GPC6: variants seen among roughly 807,000 people sequenced by gnomAD.
GPC6 encodes glypican 6, also known as glypican-6.
A neutral mutation model predicts 55.2 loss-of-function variants in GPC6; 14 were observed. That is an observed-to-expected ratio of 0.25 (90% CI 0.17 to 0.40). The LOEUF (loss-of-function observed/expected upper bound fraction) is 0.40, where lower values mean the gene tolerates loss of function less well. Among genes scored for constraint, GPC6 ranks in the 10% least tolerant of loss-of-function variants. The pLI is 1.00. For synonymous variants in GPC6, 278 were observed against 259.6 expected, an observed-to-expected ratio of 1.07 and a Z score of -0.68; for missense variants, 641 against 708.5, an observed-to-expected ratio of 0.90 and a Z score of 1.08.
intron 1 of GPC6, among the ~76,000 whole-genome samples, chr13:93,279,537 A>G (rs1045302201): frequency 6.6e-6 from 1 of 152,220 alleles, no homozygotes; most frequent in African/African-American, 2.4e-5. Flanking sequence ...TTTTTACATA[A>G]CATTGATTGC....
chr13:93,288,716 A>G (rs1049983384), intron 1 of GPC6, among the ~76,000 whole-genome samples: 1 of 152,238 alleles, frequency 6.6e-6, no homozygotes, highest in Non-Finnish European at 1.5e-5. Flanking sequence ...CCAAATTTTA[A>G]TTAATATGTA....
intron 1 of GPC6, among the ~76,000 whole-genome samples, chr13:93,433,029 C>CT (rs1877427125): frequency 1.3e-5 from 2 of 152,042 alleles, no homozygotes; most frequent in Admixed American, 6.6e-5. Context: ...GGAAATTGTT[C>CT]TTTTTTTCAC....
chr13:93,825,860 C>CTTTTTTTTTTTTTT, intron 2 of GPC6, among the ~76,000 whole-genome samples: 1 of 124,182 alleles, frequency 8.1e-6, no homozygotes, highest in Non-Finnish European at 1.7e-5. Context: ...TTATTATTTT[C>CTTTTTTTTTTTTTT]TTTTTTTTTT....
At chr13:94,012,698 G>T (rs534851966) in intron 3 of GPC6, among the ~76,000 whole-genome samples, 30 of 152,264 alleles carry the variant, frequency 2.0e-4, no homozygotes, top group Non-Finnish European at 3.1e-4. Context: ...AGCTGTACAT[G>T]TTCCTGAGAG....
In GPC6 at chr13:93,353,478, G is replaced by A. The variant is rs997598331; in HGVS notation, c.160+125862G>A. Among the ~76,000 whole-genome samples the A allele has an allele frequency of 2.2e-4, 34 of 152,272 alleles. No homozygotes were observed. The Middle Eastern group carries it at 0.01, about 46-fold the overall frequency. ...GCATCAAAGAACTCATGAACTTCTC[G>A]TGAAATTATCAGTTGACTCATATGT... On this transcript the variant is annotated intron_variant, in intron 1 of 8. Transcript: ENST00000377047.
chr13:94,311,961 T>C (rs1203078714), intron 6 of GPC6, among the ~76,000 whole-genome samples: 6 of 152,216 alleles, frequency 3.9e-5, no homozygotes, highest in African/African-American at 1.4e-4. Flanking sequence ...GTCTGCCCTT[T>C]CCAACACAAT....
intron 3 of GPC6, among the ~76,000 whole-genome samples, chr13:94,003,610 T>G (rs1464267277): frequency 6.6e-6 from 1 of 152,246 alleles, no homozygotes; most frequent in Non-Finnish European, 1.5e-5. Context: ...TTAGGCATTT[T>G]GATCTACCAT....
intron 3 of GPC6, among the ~76,000 whole-genome samples, chr13:93,999,205 G>A (rs1277641757): frequency 6.6e-6 from 1 of 151,972 alleles, no homozygotes; most frequent in Non-Finnish European, 1.5e-5. Context: ...GACAGGCCCT[G>A]GTGTGTGATG....
intron 2 of GPC6, among the ~76,000 whole-genome samples, chr13:93,674,325 G>A (rs1057072759): frequency 4.6e-5 from 7 of 152,098 alleles, no homozygotes; most frequent in African/African-American, 1.7e-4. Flanking sequence ...ATGTTTTATT[G>A]TATCCTTTCT....
intron 4 of GPC6, among the ~76,000 whole-genome samples, chr13:94,239,535 CT>C (rs1245934186): frequency 6.6e-6 from 1 of 152,134 alleles, no homozygotes; most frequent in Non-Finnish European, 1.5e-5. Context: ...ATTTTTAAAA[CT>C]TTTTTAAAAA....
chr13:93,893,186 A>C (rs1454788072), intron 3 of GPC6, among the ~76,000 whole-genome samples: 1 of 151,612 alleles, frequency 6.6e-6, no homozygotes, highest in Non-Finnish European at 1.5e-5. Context: ...CAGCCTTCCG[A>C]ATAGCTGGGA....
intron 1 of GPC6, among the ~76,000 whole-genome samples, chr13:93,325,688 A>G (rs1879628659): frequency 6.6e-6 from 1 of 152,208 alleles, no homozygotes; most frequent in Non-Finnish European, 1.5e-5. Flanking sequence ...GTATGTATGT[A>G]ACAAACTGCC....
rs1316825760 is a variant in GPC6, at chr13:93,534,309, C to A, written c.161-10954C>A. ...TTCCTAGGAAGGACAAAAATAGTAA[C>A]TTCCCTCTGCGCTCCAGAGCTCTAT... On this transcript the variant is annotated intron_variant, in intron 1 of 8. Transcript: ENST00000377047. Among the ~76,000 whole-genome samples, 3 of 152,194 alleles carry A rather than the reference C, an allele frequency of 2.0e-5. No individual in the cohort carries two copies. In the East Asian group the frequency reaches 5.8e-4, roughly 29 times the overall value.
At chr13:94,382,901 T>A (rs935342032) in intron 7 of GPC6, among the ~76,000 whole-genome samples, 2 of 152,210 alleles carry the variant, frequency 1.3e-5, no homozygotes, top group African/African-American at 4.8e-5. Context: ...ATAGTTAAAT[T>A]TCCAGGGCTC....
chr13:93,713,163 T>A (rs1304078393), intron 2 of GPC6, among the ~76,000 whole-genome samples: 1 of 151,554 alleles, frequency 6.6e-6, no homozygotes, highest in Non-Finnish European at 1.5e-5. Context: ...TTATCCAAAA[T>A]ATAGGATTCA....
At chr13:93,510,987 G>GTGTA (rs1566396687) in intron 1 of GPC6, among the ~76,000 whole-genome samples, 2 of 19,624 alleles carry the variant, frequency 1.0e-4, no homozygotes, top group Non-Finnish European at 3.4e-4. Flanking sequence ...ATATATATGT[G>GTGTA]TATATATATA....
At chr13:93,302,439 G>A (rs1878713274) in intron 1 of GPC6, among the ~76,000 whole-genome samples, 1 of 152,174 alleles carries the variant, frequency 6.6e-6, no homozygotes, top group Non-Finnish European at 1.5e-5. Context: ...TATGTTTTAA[G>A]AATAGCACTT....
At chr13:93,536,904 C>T (rs901848176) in intron 1 of GPC6, among the ~76,000 whole-genome samples, 1 of 152,092 alleles carries the variant, frequency 6.6e-6, no homozygotes, top group African/African-American at 2.4e-5. Flanking sequence ...ATACGGAAGC[C>T]TTTTAAAGTA....
At chr13:93,813,931 G>T (rs184200295) in intron 2 of GPC6, among the ~76,000 whole-genome samples, 2 of 152,072 alleles carry the variant, frequency 1.3e-5, no homozygotes, top group East Asian at 3.9e-4. Flanking sequence ...AATTATTAAT[G>T]TTCTTTAGAT....
Sources: gnomAD v4.1 joint callset for allele counts (sites outside exome capture counted in the v4.1 genomes callset) on GRCh38, gnomAD v4.1.1 for gene constraint, MANE v1.5 for transcripts, NCBI Gene and HGNC (gene_info 2026-07-23, HGNC 2026-07-21) for gene names.